The following ULK4 variants were observed in gnomAD, a reference collection of about 807,000 sequenced individuals.
ULK4 encodes the protein inactive serine/threonine-protein kinase ULK4.
In ULK4, 133 loss-of-function variants were observed where a neutral mutation model predicts 160.6. The ratio of observed to expected loss-of-function variants is 0.83; its 90% CI spans 0.72 to 0.96. ULK4 has a LOEUF of 0.96. ULK4 is among the 40% of genes least tolerant of loss of function. ULK4 has a pLI of 0.00. For synonymous variants in ULK4, 534 were observed against 539.8 expected, an observed-to-expected ratio of 0.99 and a Z score of 0.15; for missense variants, 1,580 against 1,499.5, an observed-to-expected ratio of 1.05 and a Z score of -0.89.
intron 16 of ULK4, among the ~76,000 whole-genome samples, chr3:41,895,153 T>G (rs774158952): frequency 1.5e-4 from 23 of 152,174 alleles, no homozygotes; most frequent in Non-Finnish European, 2.9e-4. Context: ...CTCACACCTG[T>G]AATCCTAACA....
chr3:41,797,240 C>G (rs1455454594), intron 20 of ULK4, among the ~76,000 whole-genome samples: 3 of 151,202 alleles, frequency 2.0e-5, no homozygotes, highest in Non-Finnish European at 2.9e-5. Context: ...CAAAACAAAC[C>G]AAAAGAATAT....
intron 22 of ULK4, among the ~76,000 whole-genome samples, chr3:41,736,231 G>C (rs536037167): frequency 0.13 from 19,291 of 150,670 alleles, 4,078 homozygotes; most frequent in African/African-American, 0.44. Context: ...TGGGTCAAAT[G>C]GTATTTCTAG....
At chr3:41,687,083 A>G in intron 27 of ULK4, among the ~76,000 whole-genome samples, 1 of 152,132 alleles carries the variant, frequency 6.6e-6, no homozygotes, top group South Asian at 2.1e-4. Flanking sequence ...CTGTCTAAAA[A>G]AATTATTTAG....
At chr3:41,848,907 T>C (rs551001584) in intron 17 of ULK4, among the ~76,000 whole-genome samples, 1 of 152,296 alleles carries the variant, frequency 6.6e-6, no homozygotes, top group African/African-American at 2.4e-5. Flanking sequence ...CAAAAACATT[T>C]CCCAGCCCCC....
chr3:41,390,594 A>G (rs1488897949), intron 35 of ULK4, among the ~76,000 whole-genome samples: 2 of 152,038 alleles, frequency 1.3e-5, no homozygotes, highest in Non-Finnish European at 2.9e-5. Flanking sequence ...TTCAAAGAAC[A>G]TCTTTATTTC....
At chr3:41,326,137 G>GT (rs2080335014) in intron 35 of ULK4, among the ~76,000 whole-genome samples, 1 of 150,796 alleles carries the variant, frequency 6.6e-6, no homozygotes, top group African/African-American at 2.4e-5. Flanking sequence ...AGCATGGGCA[G>GT]GGGGGGGCTC....
chr3:41,373,185 T>C (rs2081406564), intron 35 of ULK4, among the ~76,000 whole-genome samples: 1 of 152,116 alleles, frequency 6.6e-6, no homozygotes, highest in African/African-American at 2.4e-5. Flanking sequence ...CACACAATAA[T>C]AGTGTGGGAG....
rs1699616252 is a variant in ULK4, at chr3:41,931,890, A to T, written c.495T>A (p.Asp165Glu). Residue 165 changes from aspartate to glutamate, a missense_variant, in exon 5 of 37, where the codon GAT becomes GAA. By Grantham distance (45) the Asp-to-Glu change is conservative. Coordinates refer to ENST00000301831, the MANE Select transcript of ULK4 (RefSeq NM_017886.4). ...ALVAAEEGGG[D>E]NGENVLKKSM... ...TTTTCTTCAGGACATTTTCCCCATT[A>T]TCACCTCCTCCTTCCTCTGCTGCCA... The T allele has an allele frequency of 3.1e-6, 5 of 1,613,894 alleles. No individual in the cohort carries two copies. Among genetic ancestry groups the T allele is most frequent in the Non-Finnish European group, 4.2e-6 (5 of 1,179,908 alleles).
chr3:41,337,221 T>C (rs1054048387), intron 35 of ULK4, among the ~76,000 whole-genome samples: 1 of 152,208 alleles, frequency 6.6e-6, no homozygotes, highest in African/African-American at 2.4e-5. Context: ...CTGCAAAGTA[T>C]TACTTTATAA....
At chr3:41,898,886 C>G (rs1294232917) in intron 13 of ULK4, among the ~76,000 whole-genome samples, 1 of 152,206 alleles carries the variant, frequency 6.6e-6, no homozygotes, top group Admixed American at 6.5e-5. Flanking sequence ...TTTCAGAGAG[C>G]TGACATCCTA....
intron 22 of ULK4, among the ~76,000 whole-genome samples, chr3:41,742,220 A>C (rs1015940650): frequency 3.3e-5 from 5 of 152,014 alleles, no homozygotes; most frequent in African/African-American, 1.2e-4. Flanking sequence ...GCAAAGCAGA[A>C]TAGGGAGCTA....
intron 31 of ULK4, among the ~76,000 whole-genome samples, chr3:41,571,389 TTC>T (rs2087968068): frequency 6.6e-6 from 1 of 152,220 alleles, no homozygotes; most frequent in Admixed American, 6.5e-5. Context: ...TTAAGCATAC[TTC>T]TATTAACTTG....
chr3:41,803,144 C>G (rs1279097462), intron 19 of ULK4, among the ~76,000 whole-genome samples: 2 of 130,758 alleles, frequency 1.5e-5, no homozygotes, highest in African/African-American at 7.8e-5. Context: ...GCACTCCAGC[C>G]TGGGCTTACA....
intron 16 of ULK4, among the ~76,000 whole-genome samples, chr3:41,888,481 C>A (rs1329703845): frequency 6.6e-6 from 1 of 152,154 alleles, no homozygotes; most frequent in Non-Finnish European, 1.5e-5. Flanking sequence ...CCCAAGGAAG[C>A]CTCAAGGACT....
chr3:41,445,678 A>G (rs2083281711), intron 34 of ULK4, among the ~76,000 whole-genome samples: 1 of 152,214 alleles, frequency 6.6e-6, no homozygotes, highest in Non-Finnish European at 1.5e-5. Flanking sequence ...CATATGGAGA[A>G]AGCTGAAACT....
chr3:41,934,153 T>C (rs1699687193), intron 4 of ULK4, among the ~76,000 whole-genome samples: 1 of 152,180 alleles, frequency 6.6e-6, no homozygotes, highest in Non-Finnish European at 1.5e-5. Flanking sequence ...TTACATGAAA[T>C]CCACATTTCC....
At chr3:41,821,767 T>C (rs1417720297) in intron 18 of ULK4, among the ~76,000 whole-genome samples, 2 of 152,136 alleles carry the variant, frequency 1.3e-5, no homozygotes, top group Non-Finnish European at 2.9e-5. Context: ...CTTTCTCAGT[T>C]TCCTCACCTT....
intron 35 of ULK4, among the ~76,000 whole-genome samples, chr3:41,358,895 A>G (rs898728636): frequency 6.6e-6 from 1 of 152,154 alleles, no homozygotes; most frequent in Admixed American, 6.5e-5. Context: ...CAGGAAGACA[A>G]GGCAGTTACA....
Position 41,713,807 on chromosome 3 carries a change from A to G in ULK4, c.2634+1430T>C, listed in dbSNP as rs117425793. 3.0e-4 allele frequency among the ~76,000 whole-genome samples: 45 copies of G among 152,286 alleles called. No homozygotes were observed. In the East Asian group the frequency reaches 8.3e-3, roughly 28 times the overall value. ...ACAAGGAGCAGACGAGTTCTCCCCA[A>G]TATACATAGAATTTCTGAAAGTCCA... On this transcript the variant is annotated intron_variant, in intron 25 of 36. Coordinates refer to ENST00000301831, the MANE Select transcript of ULK4 (RefSeq NM_017886.4).
Sources: allele counts gnomAD v4.1 joint callset (sites outside exome capture counted in the v4.1 genomes callset), GRCh38; gene constraint gnomAD v4.1.1; transcripts MANE v1.5; gene names NCBI Gene and HGNC (gene_info 2026-07-23, HGNC 2026-07-21).